The following PTCHD1 variants were observed in gnomAD, a reference collection of about 807,000 sequenced individuals.
The protein encoded by PTCHD1 is patched domain-containing protein 1.
A neutral mutation model predicts 34.6 loss-of-function variants in PTCHD1; 3 were observed. That is an observed-to-expected ratio of 0.09 (90% CI 0.04 to 0.22). PTCHD1 has a LOEUF of 0.22. Among genes scored for constraint, PTCHD1 ranks in the 10% least tolerant of loss-of-function variants. The pLI is 1.00. For missense variants in PTCHD1, 504 were observed against 685.5 expected (o/e 0.74, Z 2.96); for synonymous variants, 305 against 283.1 (o/e 1.08, Z -0.77).
Position 23,403,132 on chromosome X carries a change from A to C in PTCHD1, c.*8947A>C, listed in dbSNP as rs1282301798. 1 of 112,348 alleles carries C rather than the reference A, an allele frequency of 8.9e-6. No homozygotes were observed. Among genetic ancestry groups the C allele is most frequent in the Non-Finnish European group, 1.9e-5 (1 of 53,253 alleles). 9.3% of individuals were successfully genotyped at this position (112,348 alleles called of 1,213,427 possible). A position where few individuals can be genotyped will look rare whatever the true frequency, so the allele number is the denominator to read the frequency against. ...TTGGGCTAAATCACAATACATTTTT[A>C]AGTTGCTTCCATGGCAATAGATCGT... On this transcript the variant is annotated 3_prime_UTR_variant, in exon 3 of 3. Coordinates refer to ENST00000379361, the MANE Select transcript of PTCHD1 (RefSeq NM_173495.3).
rs574167183 is a variant in PTCHD1, at chrX:23,346,494, T to G, written c.351+11268T>G. On this transcript the variant is annotated intron_variant, in intron 1 of 2. Transcript: ENST00000379361. ...ATCCGACAGGATTCTTGCTGAAAGC[T>G]GGCCAGGATGATCAGATATCATCTG... 8.9e-5 allele frequency among the ~76,000 whole-genome samples: 10 copies of G among 112,079 alleles called. No individual in the cohort carries two copies. In the South Asian group the frequency reaches 3.8e-3, roughly 42 times the overall value.
At chrX:23,367,179 G>A (rs192565290) in intron 1 of PTCHD1, among the ~76,000 whole-genome samples, 2 of 112,056 alleles carry the variant, frequency 1.8e-5, no homozygotes, top group African/African-American at 6.5e-5. Context: ...CTTACGTAAT[G>A]CCCAGTATGG....
intron 1 of PTCHD1, among the ~76,000 whole-genome samples, chrX:23,352,055 G>C (rs1921651284): frequency 8.9e-6 from 1 of 111,753 alleles, no homozygotes; most frequent in Non-Finnish European, 1.9e-5. Context: ...AACTGTACTA[G>C]AAAGAAGGAA....
At chrX:23,358,479 C>T (rs113788730) in intron 1 of PTCHD1, among the ~76,000 whole-genome samples, 3 of 111,972 alleles carry the variant, frequency 2.7e-5, no homozygotes, top group African/African-American at 9.8e-5. Flanking sequence ...ACTTTGCCCA[C>T]TTTTTGATGG....
At chrX:23,382,308 A>G (rs979597811) in intron 2 of PTCHD1, among the ~76,000 whole-genome samples, 4 of 112,958 alleles carry the variant, frequency 3.5e-5, no homozygotes, top group African/African-American at 1.3e-4. Flanking sequence ...GCAGTATTCA[A>G]AACTTCGTTT....
intron 2 of PTCHD1, among the ~76,000 whole-genome samples, chrX:23,384,087 T>C (rs1922628929): frequency 8.9e-6 from 1 of 112,255 alleles, no homozygotes; most frequent in African/African-American, 3.2e-5. Context: ...GATAGAATGT[T>C]AGATGATGTA....
At chrX:23,366,290 A>G (rs1282411058) in intron 1 of PTCHD1, among the ~76,000 whole-genome samples, 1 of 111,912 alleles carries the variant, frequency 8.9e-6, no homozygotes, top group Non-Finnish European at 1.9e-5. Context: ...GAACTTCCCA[A>G]GACACACTTC....
At chrX:23,338,517 G>A (rs1921229283) in intron 1 of PTCHD1, among the ~76,000 whole-genome samples, 1 of 112,206 alleles carries the variant, frequency 8.9e-6, no homozygotes, top group Non-Finnish European at 1.9e-5. Context: ...GTACAGCCCA[G>A]TACTTATGAT....
rs1169011709 is a variant in PTCHD1, at chrX:23,379,722, G to A, written c.483G>A (p.Lys161=). The part of the protein sequence containing the change: ...DDIVHVLEEL[K]NARATNRTNF... ...TAGTGCACGTCCTGGAAGAGCTAAA[G>A]AATGCTCGGGCCACCAATCGGACCA... is the stretch of plus-strand genomic sequence containing the variant. Residue 161 remains lysine, a synonymous_variant, in exon 2 of 3, where the codon AAG becomes AAA. Coordinates refer to ENST00000379361, the MANE Select transcript of PTCHD1 (RefSeq NM_173495.3). The A allele has an allele frequency of 4.1e-6, 5 of 1,209,180 alleles. No individual in the cohort carries two copies. The African/African-American group carries it at 8.8e-5, about 21-fold the overall frequency.
rs893337434 is a variant in PTCHD1 at position 23,400,284 on chromosome X, C to A, written c.*6099C>A. 1 of 111,130 alleles carries A rather than the reference C, an allele frequency of 9.0e-6. No individual in the cohort carries two copies. The highest frequency in any genetic ancestry group is 1.9e-5 in the Non-Finnish European group (1 of 52,950). The allele number at this position is 111,130 out of a possible 1,213,427, so 9.2% of individuals were successfully genotyped here. The stretch of plus-strand genomic sequence containing the variant: ...GATCACGAGGTTAAGAGATTGAGAC[C>A]ATCCTGGCCAGCATGGTGAAACCCC... On this transcript the variant is annotated 3_prime_UTR_variant, in exon 3 of 3. Transcript: ENST00000379361.
In PTCHD1 at chrX:23,393,491, G is replaced by GAGA. The variant is rs1569143333; in HGVS notation, c.1978_1980dup (p.Glu660dup). On this transcript the variant is annotated inframe_insertion, in exon 3 of 3. Coordinates refer to ENST00000379361, the MANE Select transcript of PTCHD1 (RefSeq NM_173495.3). ...GTGGCCAAGACCATGGAAACAAACA[G>GAGA]AGAAGAACTCTATGATCTCTTGGAA... 2 of 1,211,008 alleles carry GAGA rather than the reference G, an allele frequency of 1.7e-6. No individual in the cohort carries two copies. Among genetic ancestry groups the GAGA allele is most frequent in the African/African-American group, 1.7e-5 (1 of 57,814 alleles).
intron 2 of PTCHD1, among the ~76,000 whole-genome samples, chrX:23,388,872 G>T (rs1352988290): frequency 9.0e-6 from 1 of 111,105 alleles, no homozygotes; most frequent in East Asian, 2.8e-4. Flanking sequence ...TGCTAAAGGA[G>T]GTAGCCATCC....
intron 1 of PTCHD1, among the ~76,000 whole-genome samples, chrX:23,357,378 C>G (rs555346565): frequency 3.6e-5 from 4 of 111,470 alleles, no homozygotes; most frequent in African/African-American, 1.3e-4. Flanking sequence ...TTAAAAAGAC[C>G]GGCAGTACTG....
intron 1 of PTCHD1, among the ~76,000 whole-genome samples, chrX:23,379,240 T>G (rs2146641275): frequency 8.9e-6 from 1 of 112,544 alleles, no homozygotes; most frequent in Admixed American, 9.4e-5. Context: ...ATACTGGTAC[T>G]TTAATGCAGC....
intron 1 of PTCHD1, among the ~76,000 whole-genome samples, chrX:23,338,921 C>T (rs1032897003): frequency 7.1e-5 from 8 of 111,928 alleles, no homozygotes; most frequent in African/African-American, 2.6e-4. Flanking sequence ...AATCCACATA[C>T]AGAAACTCCA....
At chrX:23,347,752 T>A (rs1921514747) in intron 1 of PTCHD1, among the ~76,000 whole-genome samples, 1 of 111,980 alleles carries the variant, frequency 8.9e-6, no homozygotes. Flanking sequence ...ATGCCTATAA[T>A]CCTGGCACTC....
At chrX:23,343,908 T>C (rs757301796) in intron 1 of PTCHD1, among the ~76,000 whole-genome samples, 2 of 112,390 alleles carry the variant, frequency 1.8e-5, no homozygotes, top group Non-Finnish European at 3.8e-5. Flanking sequence ...TATACCTTAA[T>C]TGTATGAGGT....
At position 23,396,469 on chromosome X, in the gene PTCHD1, C is replaced by A; in HGVS notation, c.*2284C>A. On this transcript the variant is annotated 3_prime_UTR_variant, in exon 3 of 3. Transcript: ENST00000379361. The stretch of plus-strand genomic sequence containing the variant: ...AAATCATGTGTTGCTAAATCATTTT[C>A]TGAACAGTGTGTTCTAAATCAGTCA... The A allele has an allele frequency of 8.9e-6, 1 of 112,206 alleles. No individual in the cohort carries two copies. The highest frequency in any genetic ancestry group is 2.8e-4 in the East Asian group (1 of 3,580). The allele number at this position is 112,206 out of a possible 1,213,427, so 9.2% of individuals were successfully genotyped here.
intron 1 of PTCHD1, among the ~76,000 whole-genome samples, chrX:23,350,652 C>T (rs1921607434): frequency 9.0e-6 from 1 of 111,379 alleles, no homozygotes; most frequent in African/African-American, 3.3e-5. Flanking sequence ...GTAAAGGTCA[C>T]AAGTCAAACC....
Sources: gnomAD v4.1 joint callset for allele counts (sites outside exome capture counted in the v4.1 genomes callset) on GRCh38, gnomAD v4.1.1 for gene constraint, MANE v1.5 for transcripts, NCBI Gene and HGNC (gene_info 2026-07-23, HGNC 2026-07-21) for gene names.